The following SUCLG1 variants were observed in gnomAD, a reference collection of about 807,000 sequenced individuals.
The protein encoded by SUCLG1 is succinate-CoA ligase GDP/ADP-forming subunit alpha.
Under a neutral mutation model 37.3 loss-of-function variants are expected in SUCLG1, and 26 were observed. The observed-to-expected ratio is 0.70, with a 90% CI of 0.51 to 0.97. SUCLG1 has a LOEUF of 0.97. Among genes scored for constraint, SUCLG1 ranks in the 50% least tolerant of loss-of-function variants. The pLI is 0.00. For missense variants in SUCLG1, 433 were observed against 432.9 expected (o/e 1.00, Z 0.00); for synonymous variants, 163 against 155.6 (o/e 1.05, Z -0.36).
chr2:84,431,630 C>G lies in SUCLG1; in HGVS notation c.703G>C (p.Asp235His). 1.9e-6 allele frequency: 3 copies of G among 1,613,958 alleles called. No homozygotes were observed. The highest frequency in any genetic ancestry group is 2.5e-6 in the Non-Finnish European group (3 of 1,179,910). The change falls in exon 7 of 9, where the codon GAT (aspartate) becomes CAT (histidine). Residue 235 changes from aspartate (D) to histidine (H), a missense_variant. Physicochemically the swap from Asp to His is moderately conservative, Grantham distance 81. Coordinates refer to ENST00000393868, the MANE Select transcript of SUCLG1 (RefSeq NM_003849.4). Reference protein sequence around the residue: ...GIGGDPFNGTDFIDCLEIFLN... With the variant: ...GIGGDPFNGTHFIDCLEIFLN... ...AAGATTTCGAGGCAGTCAATAAAAT[C>G]TGTTCCATTAAAAGGATCACCTCCA...
At chr2:84,428,195 C>T (rs979135357) in intron 7 of SUCLG1, among the ~76,000 whole-genome samples, 19 of 152,174 alleles carry the variant, frequency 1.2e-4, no homozygotes, top group African/African-American at 4.3e-4. Context: ...ACTCTAGCTT[C>T]CTCTTCCCCA....
chr2:84,430,018 A>G (rs772199566), intron 7 of SUCLG1, among the ~76,000 whole-genome samples: 2 of 152,186 alleles, frequency 1.3e-5, no homozygotes, highest in Non-Finnish European at 2.9e-5. Context: ...ACAGGATAAG[A>G]GAGAAATAAA....
intron 8 of SUCLG1, 133 bp downstream of exon 8, chr2:84,425,282 C>G: frequency 5.0e-6 from 5 of 1,003,286 alleles, no homozygotes; most frequent in Non-Finnish European, 7.7e-6. Flanking sequence ...AGAGTTGATA[C>G]AAACTATTAA....
chr2:84,449,493 T>A (rs898009372), intron 2 of SUCLG1, among the ~76,000 whole-genome samples, 156 bp downstream of exon 2: 10 of 152,238 alleles, frequency 6.6e-5, no homozygotes, highest in African/African-American at 2.4e-4. Flanking sequence ...AGGCTGACAA[T>A]AGCAACTAAC....
At chr2:84,446,346 A>G (rs1254077352) in intron 2 of SUCLG1, among the ~76,000 whole-genome samples, 1 of 152,234 alleles carries the variant, frequency 6.6e-6, no homozygotes, top group Non-Finnish European at 1.5e-5. Flanking sequence ...GCAATATGAC[A>G]CCTAAATCAA....
At chr2:84,452,519 T>TG (rs370312112) in intron 1 of SUCLG1, among the ~76,000 whole-genome samples, 77 of 152,338 alleles carry the variant, frequency 5.1e-4, no homozygotes, top group African/African-American at 1.8e-3. Context: ...ATGAGTATAC[T>TG]GGGGGACTTT....
chr2:84,439,933 T>G (rs1289285395), intron 5 of SUCLG1, among the ~76,000 whole-genome samples: 1 of 152,202 alleles, frequency 6.6e-6, no homozygotes, highest in Non-Finnish European at 1.5e-5. Flanking sequence ...TTGAGAAAGT[T>G]TGTGATATCT....
chr2:84,441,827 G>C (rs1672778769), intron 3 of SUCLG1, among the ~76,000 whole-genome samples: 1 of 152,036 alleles, frequency 6.6e-6, no homozygotes, highest in South Asian at 2.1e-4. Context: ...TGATAACAGA[G>C]GGGGAGACAC....
intron 5 of SUCLG1, among the ~76,000 whole-genome samples, chr2:84,435,306 T>C (rs903695938): frequency 1.3e-5 from 2 of 152,236 alleles, no homozygotes; most frequent in South Asian, 2.1e-4. Context: ...AAGTGAGATA[T>C]AATTTCCTTC....
At chr2:84,446,609 C>A (rs1467706393) in intron 2 of SUCLG1, among the ~76,000 whole-genome samples, 1 of 152,112 alleles carries the variant, frequency 6.6e-6, no homozygotes, top group South Asian at 2.1e-4. Flanking sequence ...AGTGCTCTCT[C>A]TCTCTTAAAG....
At chr2:84,429,968 C>T (rs1252820476) in intron 7 of SUCLG1, among the ~76,000 whole-genome samples, 4 of 152,114 alleles carry the variant, frequency 2.6e-5, no homozygotes, top group African/African-American at 9.7e-5. Context: ...CCAGACAAAC[C>T]TCTGATGTCT....
chr2:84,455,705 G>A (rs914871664), intron 1 of SUCLG1, among the ~76,000 whole-genome samples: 7 of 149,514 alleles, frequency 4.7e-5, no homozygotes, highest in East Asian at 2.0e-4. Flanking sequence ...GTGTGGTGGC[G>A]GGTGCCTGTA....
intron 5 of SUCLG1, among the ~76,000 whole-genome samples, chr2:84,436,233 C>T (rs1388576389): frequency 6.6e-6 from 1 of 152,120 alleles, no homozygotes; most frequent in Non-Finnish European, 1.5e-5. Flanking sequence ...AGTTTGAGGT[C>T]ACTTTTAGGT....
chr2:84,438,244 C>T (rs1672716841), intron 5 of SUCLG1, among the ~76,000 whole-genome samples: 1 of 152,298 alleles, frequency 6.6e-6, no homozygotes, highest in African/African-American at 2.4e-5. Context: ...TTATTTCTTA[C>T]AACTACACAT....
At chr2:84,441,977 C>T (rs920825765) in intron 3 of SUCLG1, among the ~76,000 whole-genome samples, 1 of 152,090 alleles carries the variant, frequency 6.6e-6, no homozygotes, top group Non-Finnish European at 1.5e-5. Flanking sequence ...GTGACAACAG[C>T]AAATATTGTG....
intron 1 of SUCLG1, among the ~76,000 whole-genome samples, chr2:84,452,620 C>T (rs942457890): frequency 4.6e-5 from 7 of 152,170 alleles, no homozygotes; most frequent in African/African-American, 1.4e-4. Flanking sequence ...TTACTGAGTG[C>T]ACACATATTC....
chr2:84,439,740 T>G (rs988797875), intron 5 of SUCLG1, among the ~76,000 whole-genome samples: 6 of 152,192 alleles, frequency 3.9e-5, no homozygotes, highest in African/African-American at 1.4e-4. Flanking sequence ...AAAAACAGTA[T>G]AGTTTAGAGA....
intron 5 of SUCLG1, among the ~76,000 whole-genome samples, chr2:84,439,353 C>T (rs1025805835): frequency 1.3e-5 from 2 of 152,200 alleles, no homozygotes; most frequent in Non-Finnish European, 2.9e-5. Flanking sequence ...GAAAGCAGAG[C>T]AGTGATCAGA....
Position 84,443,373 on chromosome 2 carries a change from C to CA in SUCLG1, c.228_229insT (p.Glu77Ter). 1 of 1,614,120 alleles carries CA rather than the reference C, an allele frequency of 6.2e-7. No individual in the cohort carries two copies. Among genetic ancestry groups the CA allele is most frequent in the Non-Finnish European group, 8.5e-7 (1 of 1,179,992 alleles). Reference sequence around the variant, plus strand: ...CCTCCAACGAGTTTGGTGCCATATTCCAATGCCTGCTGGCTGTGAAAGGTG... The same window carrying CA: ...CCTCCAACGAGTTTGGTGCCATATTCACAATGCCTGCTGGCTGTGAAAGGTG... On this transcript the variant is annotated frameshift_variant, in exon 3 of 9. Transcript: ENST00000393868. LOFTEE classifies it high-confidence loss of function.
Sources: allele counts gnomAD v4.1 joint callset (sites outside exome capture counted in the v4.1 genomes callset), GRCh38; gene constraint gnomAD v4.1.1; transcripts MANE v1.5; gene names NCBI Gene and HGNC (gene_info 2026-07-23, HGNC 2026-07-21).